ACACA: variants seen among roughly 807,000 people sequenced by gnomAD.
ACACA encodes the protein acetyl-CoA carboxylase alpha.
Under a neutral mutation model 296.1 loss-of-function variants are expected in ACACA, and 103 were observed. That is an observed-to-expected ratio of 0.35 (90% CI 0.30 to 0.41). ACACA has a LOEUF of 0.41. Ranked by LOEUF, ACACA falls within the 10% of genes least tolerant of loss-of-function variation. ACACA has a pLI of 1.00. For missense variants in ACACA, 1,554 were observed against 2,989.7 expected (o/e 0.52, Z 11.20); for synonymous variants, 953 against 1,038.6 (o/e 0.92, Z 1.58).
intron 45 of ACACA, among the ~76,000 whole-genome samples, chr17:37,148,230 T>TAAA (rs755283220): frequency 7.4e-6 from 1 of 135,978 alleles, no homozygotes. Flanking sequence ...AAGAGCAACT[T>TAAA]AAAAAAAAAA....
intron 25 of ACACA, among the ~76,000 whole-genome samples, chr17:37,232,245 C>A (rs1033067060): frequency 6.6e-6 from 1 of 152,180 alleles, no homozygotes; most frequent in South Asian, 2.1e-4. Flanking sequence ...TCATCTAGCT[C>A]AGCAAAGCAT....
intron 52 of ACACA, among the ~76,000 whole-genome samples, chr17:37,099,571 TGGCGGGAGGGCTGATGGCA>T (rs2073221134): frequency 1.1e-5 from 1 of 90,306 alleles, no homozygotes; most frequent in African/African-American, 6.2e-5. Flanking sequence ...GGAGGGCTGA[TGGCGGGAGGGCTGATGGCA>T]GGAGGGCTGA....
intron 48 of ACACA, chr17:37,122,876 C>G (rs1412014450): frequency 8.6e-6 from 5 of 579,314 alleles, no homozygotes; most frequent in Non-Finnish European, 1.5e-5. Flanking sequence ...TAAATTCAAA[C>G]CAAGGGCTGT....
Position 37,085,719 on chromosome 17 carries a change from C to T in ACACA, c.*1597G>A, listed in dbSNP as rs748928006. The T allele has an allele frequency of 4.5e-5, 18 of 399,126 alleles. No individual in the cohort carries two copies. Among genetic ancestry groups the T allele is most frequent in the Non-Finnish European group, 7.5e-5 (17 of 226,226 alleles). The allele number at this position is 399,126 out of a possible 1,614,324, so 24.7% of individuals were successfully genotyped here. ...ACAGTGCCCACCTGCAACCCAGAAC[C>T]ATTGAAAAGTCCAGCCAATCTATCC... On this transcript the variant is annotated 3_prime_UTR_variant, in exon 56 of 56. Transcript: ENST00000616317.
intron 11 of ACACA, among the ~76,000 whole-genome samples, chr17:37,261,211 C>T (rs958094019): frequency 2.0e-5 from 3 of 152,142 alleles, no homozygotes; most frequent in Non-Finnish European, 4.4e-5. Context: ...TCCCCCCAAA[C>T]AGAAAATGAG....
chr17:37,342,406 C>CA (rs1173872959), intron 1 of ACACA, among the ~76,000 whole-genome samples: 239 of 21,114 alleles, frequency 0.011, 16 homozygotes, highest in Non-Finnish European at 0.014. Context: ...GACTGTCTCT[C>CA]AAAAAAAAAA....
chr17:37,100,368 C>T lies in ACACA; in HGVS notation c.6566-2384G>A, dbSNP rs551025532. Among the ~76,000 whole-genome samples the T allele has an allele frequency of 1.3e-4, 20 of 152,226 alleles. No individual in the cohort carries two copies. In the East Asian group the frequency reaches 3.3e-3, roughly 25 times the overall value. ...AGTAATTAAATTATCACCAAGAGGACAGACTGATACCATGACTCCTGATGA... is the reference window on the plus strand; with the variant it reads ...AGTAATTAAATTATCACCAAGAGGATAGACTGATACCATGACTCCTGATGA... On this transcript the variant is annotated intron_variant, in intron 52 of 55. Transcript: ENST00000616317.
chr17:37,287,427 G>A (rs1158685243), intron 3 of ACACA, among the ~76,000 whole-genome samples: 1 of 151,926 alleles, frequency 6.6e-6, no homozygotes, highest in Non-Finnish European at 1.5e-5. Flanking sequence ...CACCACCTAC[G>A]GGAGTATAAC....
chr17:37,330,108 T>G, intron 3 of ACACA, 65 bp downstream of exon 3: 2 of 1,598,428 alleles, frequency 1.3e-6, no homozygotes, highest in Non-Finnish European at 8.6e-7. Context: ...CTTGCTCTTT[T>G]CAGAACATAA....
At chr17:37,242,202 G>A (rs765450210) in intron 22 of ACACA, 149 bp from the exon 23 acceptor site, 16 of 700,210 alleles carry the variant, frequency 2.3e-5, no homozygotes, top group Non-Finnish European at 3.6e-5. Context: ...GTTACCAGGC[G>A]TAGTCTATAT....
intron 1 of ACACA, among the ~76,000 whole-genome samples, chr17:37,381,651 A>G (rs1372051672): frequency 5.2e-5 from 7 of 134,852 alleles, no homozygotes; most frequent in South Asian, 4.7e-4. Context: ...TTTTTGAGAC[A>G]GAGTCTCGCT....
At chr17:37,387,729 A>C (rs2050606750) in intron 1 of ACACA, 1 of 152,222 alleles carries the variant, frequency 6.6e-6, no homozygotes, top group Admixed American at 6.6e-5. Context: ...TACAGGCATG[A>C]GCCACCGCAC....
chr17:37,180,960 CT>C (rs1303968224), intron 40 of ACACA, among the ~76,000 whole-genome samples: 2 of 152,218 alleles, frequency 1.3e-5, no homozygotes, highest in African/African-American at 2.4e-5. Flanking sequence ...TTAGTTTACT[CT>C]CTCCTGTCTC....
chr17:37,135,316 AT>A (rs1186147225), intron 45 of ACACA, among the ~76,000 whole-genome samples: 1 of 152,162 alleles, frequency 6.6e-6, no homozygotes. Context: ...AAGCGTTATA[AT>A]TTTTTCCCCA....
intron 45 of ACACA, chr17:37,144,345 C>G: frequency 2.0e-6 from 1 of 501,956 alleles, no homozygotes; most frequent in East Asian, 4.0e-5. Context: ...CTGTCTGGCT[C>G]TCGCTTGCCC....
intron 50 of ACACA, among the ~76,000 whole-genome samples, chr17:37,116,005 C>T (rs1011203642): frequency 1.1e-4 from 16 of 151,144 alleles, no homozygotes; most frequent in African/African-American, 3.7e-4. Context: ...AGGTGGGGAG[C>T]GGGGCGCGCC....
chr17:37,391,940 T>A, intron 1 of ACACA: 1 of 561,962 alleles, frequency 1.8e-6, no homozygotes, highest in Non-Finnish European at 3.2e-6. Flanking sequence ...CATACATCCA[T>A]CTAAATGGAT....
At chr17:37,204,819 G>A (rs2078423158) in intron 33 of ACACA, among the ~76,000 whole-genome samples, 2 of 152,220 alleles carry the variant, frequency 1.3e-5, no homozygotes, top group African/African-American at 2.4e-5. Flanking sequence ...GGCTGATGAT[G>A]TTGAAGCTAA....
At chr17:37,089,609 G>A (rs578033623) in intron 54 of ACACA, among the ~76,000 whole-genome samples, 2 of 152,282 alleles carry the variant, frequency 1.3e-5, no homozygotes, top group South Asian at 4.1e-4. Context: ...GGCACGGACG[G>A]GGAACTGATG....
Sources: allele counts gnomAD v4.1 joint callset (sites outside exome capture counted in the v4.1 genomes callset), GRCh38; gene constraint gnomAD v4.1.1; transcripts MANE v1.5; gene names NCBI Gene and HGNC (gene_info 2026-07-23, HGNC 2026-07-21).